ARHGAP15: variants seen among roughly 807,000 people sequenced by gnomAD.
ARHGAP15 encodes rho GTPase-activating protein 15.
In ARHGAP15, 51 loss-of-function variants were observed where a neutral mutation model predicts 63.7. The observed-to-expected ratio is 0.80, with a 90% CI of 0.64 to 1.01. The LOEUF is 1.01. Ranked by LOEUF, ARHGAP15 falls within the 50% of genes least tolerant of loss-of-function variation. The pLI is 0.00. For synonymous variants in ARHGAP15, 191 were observed against 193.8 expected (o/e 0.99, Z 0.12); for missense variants, 560 against 564.6 (o/e 0.99, Z 0.08).
intron 10 of ARHGAP15, among the ~76,000 whole-genome samples, chr2:143,549,673 G>A (rs915051067): frequency 3.3e-5 from 5 of 152,156 alleles, no homozygotes; most frequent in Non-Finnish European, 7.3e-5. Flanking sequence ...CTGTAAGGAC[G>A]GAAAAGTTGC....
intron 13 of ARHGAP15, among the ~76,000 whole-genome samples, chr2:143,720,854 G>C (rs1685020840): frequency 6.6e-6 from 1 of 152,042 alleles, no homozygotes; most frequent in Admixed American, 6.5e-5. Flanking sequence ...CGGATCACAA[G>C]GTCAGGAGAT....
rs554388389 is a variant in ARHGAP15 at position 143,132,664 on chromosome 2, T to C, written c.-15+3198T>C. 2.4e-4 allele frequency among the ~76,000 whole-genome samples: 37 copies of C among 152,330 alleles called. No individual in the cohort carries two copies. In the South Asian group the frequency reaches 7.2e-3, roughly 30 times the overall value. ...CTGGGGGCAGCTACAGCTGCAGCAC[T>C]TGGGCTCTCTGCTAAAAAGAGGGGT... On this transcript the variant is annotated intron_variant, in intron 1 of 13. Coordinates refer to ENST00000295095, the MANE Select transcript of ARHGAP15 (RefSeq NM_018460.4).
intron 5 of ARHGAP15, among the ~76,000 whole-genome samples, chr2:143,248,901 C>A (rs1679985251): frequency 6.6e-6 from 1 of 152,146 alleles, no homozygotes; most frequent in African/African-American, 2.4e-5. Flanking sequence ...TTTTAACCCC[C>A]TGACTTGACT....
intron 10 of ARHGAP15, among the ~76,000 whole-genome samples, chr2:143,537,999 T>A (rs1313739699): frequency 1.3e-5 from 2 of 152,244 alleles, no homozygotes; most frequent in Admixed American, 1.3e-4. Context: ...TATTGATTCT[T>A]CCTACCCATG....
Position 143,487,502 on chromosome 2 carries a change from G to T in ARHGAP15, c.826+7G>T, listed in dbSNP as rs770624527. On this transcript the variant is annotated splice_region_variant and intron_variant, in intron 9 of 13. Transcript: ENST00000295095. Reference sequence around the variant, plus strand: ...GAAAAAGGACTTATTAAAGGTACAGGTCATTTTATACTTGTACTATAACTG... The same window carrying T: ...GAAAAAGGACTTATTAAAGGTACAGTTCATTTTATACTTGTACTATAACTG... 6.2e-7 allele frequency: 1 copy of T among 1,611,208 alleles called. No homozygotes were observed. Among genetic ancestry groups the T allele is most frequent in the Non-Finnish European group, 8.5e-7 (1 of 1,179,118 alleles).
At chr2:143,476,861 C>A (rs1397754276) in intron 8 of ARHGAP15, among the ~76,000 whole-genome samples, 1 of 152,108 alleles carries the variant, frequency 6.6e-6, no homozygotes, top group East Asian at 1.9e-4. Context: ...GTGTTACATG[C>A]GATGAGCTTG....
At chr2:143,203,285 G>C (rs1692196485) in intron 3 of ARHGAP15, among the ~76,000 whole-genome samples, 1 of 152,056 alleles carries the variant, frequency 6.6e-6, no homozygotes, top group South Asian at 2.1e-4. Flanking sequence ...CTTTACTTTA[G>C]GATAAGAATT....
At chr2:143,529,039 T>G (rs1255723043) in intron 10 of ARHGAP15, among the ~76,000 whole-genome samples, 1 of 152,134 alleles carries the variant, frequency 6.6e-6, no homozygotes, top group Non-Finnish European at 1.5e-5. Flanking sequence ...TGCAAATAAT[T>G]ACTCAAGCTG....
intron 9 of ARHGAP15, among the ~76,000 whole-genome samples, chr2:143,494,348 ATTC>A (rs1157043647): frequency 1.3e-5 from 2 of 152,046 alleles, no homozygotes; most frequent in Non-Finnish European, 2.9e-5. Context: ...TTTGTTTCCC[ATTC>A]TTCTTTTTTT....
chr2:143,293,588 G>C (rs1034394331), intron 6 of ARHGAP15, among the ~76,000 whole-genome samples: 4 of 151,948 alleles, frequency 2.6e-5, no homozygotes, highest in African/African-American at 9.7e-5. Context: ...ACTGACTTTG[G>C]TGTCTTAAAC....
At chr2:143,457,407 A>G (rs562632979) in intron 8 of ARHGAP15, among the ~76,000 whole-genome samples, 3 of 152,086 alleles carry the variant, frequency 2.0e-5, no homozygotes, top group Admixed American at 6.6e-5. Context: ...TTAGCTGGAC[A>G]TGGTAGCATG....
rs138005928 is a variant in ARHGAP15, at chr2:143,353,612, C to A, written c.475-81989C>A. On this transcript the variant is annotated intron_variant, in intron 6 of 13. Coordinates refer to ENST00000295095, the MANE Select transcript of ARHGAP15 (RefSeq NM_018460.4). ...CGAATTACATGAGACAGGAGATACA[C>A]AGAAATAACGCCTATCATTCTTCAA... 1.3e-3 allele frequency among the ~76,000 whole-genome samples: 199 copies of A among 152,230 alleles called. 2 individuals are homozygous for A. The highest frequency in any genetic ancestry group is 5.1e-4 in the Non-Finnish European group (35 of 68,016).
At chr2:143,621,570 C>G (rs2105236197) in intron 11 of ARHGAP15, among the ~76,000 whole-genome samples, 1 of 152,258 alleles carries the variant, frequency 6.6e-6, no homozygotes, top group South Asian at 2.1e-4. Context: ...AATACTCTTT[C>G]CAACTATTTG....
chr2:143,764,303 T>C (rs1232015645), intron 13 of ARHGAP15, among the ~76,000 whole-genome samples: 2 of 152,156 alleles, frequency 1.3e-5, no homozygotes, highest in African/African-American at 4.8e-5. Flanking sequence ...CAAGGGAGAC[T>C]CAGACATGCA....
chr2:143,570,709 A>G (rs1162395870), intron 11 of ARHGAP15, among the ~76,000 whole-genome samples: 1 of 152,198 alleles, frequency 6.6e-6, no homozygotes, highest in Non-Finnish European at 1.5e-5. Context: ...GGTGATTTTT[A>G]TTGTCTTCGT....
intron 6 of ARHGAP15, among the ~76,000 whole-genome samples, chr2:143,256,055 ATCC>A (rs1354134880): frequency 1.3e-5 from 2 of 152,126 alleles, no homozygotes; most frequent in African/African-American, 4.8e-5. Flanking sequence ...TCACAGCAGG[ATCC>A]TCCTCCAACT....
intron 3 of ARHGAP15, among the ~76,000 whole-genome samples, chr2:143,208,070 T>C (rs553673624): frequency 1.7e-4 from 26 of 152,278 alleles, no homozygotes; most frequent in Non-Finnish European, 3.2e-4. Flanking sequence ...CTATCATATA[T>C]GAAATAATAT....
chr2:143,597,801 G>T (rs1177569983), intron 11 of ARHGAP15: 1 of 152,074 alleles, frequency 6.6e-6, no homozygotes, highest in Non-Finnish European at 1.5e-5. Flanking sequence ...ATTATCAATT[G>T]CTGCTGCCAT....
At chr2:143,335,897 A>C (rs1684750757) in intron 6 of ARHGAP15, among the ~76,000 whole-genome samples, 1 of 152,204 alleles carries the variant, frequency 6.6e-6, no homozygotes, top group African/African-American at 2.4e-5. Flanking sequence ...GTGTGGAGAA[A>C]ATCATGGTAT....
Sources: allele counts gnomAD v4.1 joint callset (sites outside exome capture counted in the v4.1 genomes callset), GRCh38; gene constraint gnomAD v4.1.1; transcripts MANE v1.5; gene names NCBI Gene and HGNC (gene_info 2026-07-23, HGNC 2026-07-21).